Variants in CPNE5 observed in about 807,000 individuals in gnomAD.
The protein encoded by CPNE5 is copine 5.
In CPNE5, 42 loss-of-function variants were observed where a neutral mutation model predicts 81.1. That is an observed-to-expected ratio of 0.52 (90% CI 0.40 to 0.67). The LOEUF (loss-of-function observed/expected upper bound fraction) is 0.67, where lower values mean the gene tolerates loss of function less well. Among genes scored for constraint, CPNE5 ranks in the 30% least tolerant of loss-of-function variants. CPNE5 has a pLI of 0.00. For synonymous variants in CPNE5, 313 were observed against 321.5 expected (o/e 0.97, Z 0.28); for missense variants, 612 against 815.5 (o/e 0.75, Z 3.04).
chr6:36,836,549 C>T (rs1303871408), intron 1 of CPNE5, among the ~76,000 whole-genome samples: 1 of 152,208 alleles, frequency 6.6e-6, no homozygotes. Context: ...TCTGCCTGCC[C>T]TACTGTTCTG....
In CPNE5 at chr6:36,746,665, C is replaced by A; in HGVS notation, c.1019-88G>T. 2 of 1,213,042 alleles carry A rather than the reference C, an allele frequency of 1.6e-6. No individual in the cohort carries two copies. Among genetic ancestry groups the A allele is most frequent in the Admixed American group, 2.6e-5 (1 of 37,902 alleles). 75.1% of individuals were successfully genotyped at this position (1,213,042 alleles called of 1,614,324 possible). On this transcript the variant is annotated intron_variant, in intron 15 of 20. Coordinates refer to ENST00000244751, the MANE Select transcript of CPNE5 (RefSeq NM_020939.2). The surrounding 1 kb of genome is among the most constrained non-coding windows in gnomAD (Gnocchi z 4.5). ...ATGAAGAAGGGGGTGTCCAAGGGCA[C>A]CCCTAACTTTTATTAATTCTTGACT... is the stretch of plus-strand genomic sequence containing the variant.
intron 14 of CPNE5, among the ~76,000 whole-genome samples, chr6:36,751,759 C>T (rs985191046): frequency 3.9e-5 from 6 of 152,176 alleles, no homozygotes; most frequent in African/African-American, 1.4e-4. Flanking sequence ...TGTGCCACTG[C>T]ACTCCAGCCT....
intron 6 of CPNE5, 56 bp downstream of exon 6, chr6:36,798,109 C>T: frequency 7.1e-7 from 1 of 1,401,550 alleles, no homozygotes; most frequent in East Asian, 2.3e-5. Flanking sequence ...GAGCCAGCCC[C>T]CAGCAGAATG....
At chr6:36,767,960 G>A (rs1766706501) in intron 10 of CPNE5, among the ~76,000 whole-genome samples, 1 of 152,176 alleles carries the variant, frequency 6.6e-6, no homozygotes, top group Admixed American at 6.5e-5. Context: ...GGTCTGGAGT[G>A]CAAGCTGGGC....
intron 1 of CPNE5, among the ~76,000 whole-genome samples, chr6:36,838,231 G>A (rs1773702066): frequency 6.6e-6 from 1 of 152,228 alleles, no homozygotes; most frequent in African/African-American, 2.4e-5. Context: ...TGGAGGGTCT[G>A]ACCAAGGAGC....
intron 15 of CPNE5, 101 bp downstream of exon 15, chr6:36,748,120 G>T: frequency 9.5e-7 from 1 of 1,057,854 alleles, no homozygotes; most frequent in Non-Finnish European, 1.5e-6. Context: ...TGAGGAAGAG[G>T]CCAGAGAGTA....
chr6:36,743,174 G>T, intron 20 of CPNE5: 1 of 985,428 alleles, frequency 1.0e-6, no homozygotes, highest in Non-Finnish European at 1.2e-6. Flanking sequence ...TCCTCTGCAG[G>T]GGATGAGTGG....
chr6:36,829,872 C>T (rs1236288517), intron 1 of CPNE5, among the ~76,000 whole-genome samples: 1 of 92,692 alleles, frequency 1.1e-5, no homozygotes, highest in Non-Finnish European at 2.1e-5. Flanking sequence ...AAAAAAAATA[C>T]CCAACAGGAA....
At chr6:36,771,955 C>T (rs1054816735) in intron 10 of CPNE5, among the ~76,000 whole-genome samples, 3 of 152,100 alleles carry the variant, frequency 2.0e-5, no homozygotes, top group Non-Finnish European at 4.4e-5. Context: ...GGCCATCCTG[C>T]AGCGAGATGA....
chr6:36,839,133 G>T lies in CPNE5; in HGVS notation c.95+150C>A. The T allele has an allele frequency of 1.8e-6, 1 of 560,652 alleles. No homozygotes were observed. The highest frequency in any genetic ancestry group is 3.0e-6 in the Non-Finnish European group (1 of 330,118). 34.7% of individuals were successfully genotyped at this position (560,652 alleles called of 1,614,324 possible). A position where few individuals can be genotyped will look rare whatever the true frequency, so the allele number is the denominator to read the frequency against. On this transcript the variant is annotated intron_variant, in intron 1 of 20. Transcript: ENST00000244751. This position sits in a 1 kb window ranked among gnomAD's most constrained non-coding sequence, Gnocchi z 7.3. Reference sequence around the variant, plus strand: ...TCGCCACCCGCAGCTGGACAGGACAGGGGCTCTTGGCAGATCGGCAGGGGC... The same window carrying T: ...TCGCCACCCGCAGCTGGACAGGACATGGGCTCTTGGCAGATCGGCAGGGGC...
At chr6:36,817,189 G>A (rs1462346138) in intron 3 of CPNE5, among the ~76,000 whole-genome samples, 1 of 152,172 alleles carries the variant, frequency 6.6e-6, no homozygotes, top group Non-Finnish European at 1.5e-5. Context: ...GCTGGGCGTG[G>A]TGGTGCATGC....
intron 1 of CPNE5, among the ~76,000 whole-genome samples, chr6:36,832,089 C>A (rs1773028762): frequency 6.6e-6 from 1 of 152,178 alleles, no homozygotes; most frequent in South Asian, 2.1e-4. Flanking sequence ...TCTTGGCTGG[C>A]AAACAGGCAG....
chr6:36,781,130 G>A (rs1768002465), intron 8 of CPNE5, among the ~76,000 whole-genome samples: 1 of 152,206 alleles, frequency 6.6e-6, no homozygotes, highest in South Asian at 2.1e-4. Context: ...GAGGCTGTAA[G>A]CACGGGTGGT....
At chr6:36,769,905 G>T (rs933856190) in intron 10 of CPNE5, among the ~76,000 whole-genome samples, 4 of 152,160 alleles carry the variant, frequency 2.6e-5, no homozygotes, top group Admixed American at 2.0e-4. Flanking sequence ...GGGAAGCTGC[G>T]GTGACTCCTT....
At chr6:36,776,805 G>A (rs1767547733) in intron 9 of CPNE5, among the ~76,000 whole-genome samples, 1 of 152,094 alleles carries the variant, frequency 6.6e-6, no homozygotes, top group Non-Finnish European at 1.5e-5. Context: ...TCCTCCTGTG[G>A]CTGGTGTGAC....
chr6:36,835,294 T>G (rs1347682975), intron 1 of CPNE5, among the ~76,000 whole-genome samples: 1 of 152,194 alleles, frequency 6.6e-6, no homozygotes, highest in Non-Finnish European at 1.5e-5. Flanking sequence ...AGTGGCGCCT[T>G]TGGAGAATGG....
At chr6:36,767,983 A>C (rs1475645010) in intron 10 of CPNE5, among the ~76,000 whole-genome samples, 1 of 152,262 alleles carries the variant, frequency 6.6e-6, no homozygotes, top group Admixed American at 6.5e-5. Context: ...GGGAATTGTT[A>C]AAAGCTCCCC....
chr6:36,756,411 G>T (rs1765472109), intron 12 of CPNE5, 113 bp from the exon 13 acceptor site: 1 of 838,178 alleles, frequency 1.2e-6, no homozygotes, highest in Non-Finnish European at 2.0e-6. Context: ...TTAGAGTGTG[G>T]GGTGTGAAGA....
At chr6:36,752,965 G>T in intron 14 of CPNE5, 69 bp downstream of exon 14, 3 of 1,314,768 alleles carry the variant, frequency 2.3e-6, no homozygotes, top group South Asian at 2.4e-5. Flanking sequence ...GGCCAGAGCC[G>T]GTCCTGTCGG....
Sources: gnomAD v4.1 joint callset for allele counts (sites outside exome capture counted in the v4.1 genomes callset) on GRCh38, gnomAD v4.1.1 for gene constraint, Gnocchi (gnomAD v3.1) non-coding constraint, MANE v1.5 for transcripts, NCBI Gene and HGNC (gene_info 2026-07-23, HGNC 2026-07-21) for gene names.